The following ATRN variants were observed in gnomAD, a reference collection of about 807,000 sequenced individuals.
ATRN encodes attractin-2.
Under a neutral mutation model 178.7 loss-of-function variants are expected in ATRN, and 54 were observed. The ratio of observed to expected loss-of-function variants is 0.30; its 90% CI spans 0.24 to 0.38. The LOEUF (loss-of-function observed/expected upper bound fraction) is 0.38. ATRN is among the 10% of genes least tolerant of loss of function. ATRN has a pLI of 1.00. For synonymous variants in ATRN, 636 were observed against 663.0 expected (o/e 0.96, Z 0.63); for missense variants, 1,443 against 1,815.1 (o/e 0.79, Z 3.73).
chr20:3,530,365 G>A (rs1412013431), intron 1 of ATRN, among the ~76,000 whole-genome samples: 1 of 150,752 alleles, frequency 6.6e-6, no homozygotes, highest in Non-Finnish European at 1.5e-5. Flanking sequence ...ACAGGTTCAA[G>A]CGATTCTCCT....
At chr20:3,615,512 C>T (rs1223304435) in intron 24 of ATRN, among the ~76,000 whole-genome samples, 2 of 151,306 alleles carry the variant, frequency 1.3e-5, no homozygotes, top group African/African-American at 4.9e-5. Context: ...CAAAGAAAGA[C>T]ACATGCTTTT....
rs966194368 is a variant in ATRN, at chr20:3,633,428, C to T, written c.3864-883C>T. 7.9e-5 allele frequency among the ~76,000 whole-genome samples: 12 copies of T among 152,290 alleles called. No homozygotes were observed. In the South Asian group the frequency reaches 1.0e-3, roughly 13 times the overall value. On this transcript the variant is annotated intron_variant, in intron 25 of 28. Coordinates refer to ENST00000262919, the MANE Select transcript of ATRN (RefSeq NM_139321.3). ...TCAGCAGTTGGGTGCACTGAGGTGC[C>T]ATTCATGAAGCTGACCCCATCCTAC...
intron 24 of ATRN, among the ~76,000 whole-genome samples, chr20:3,607,839 A>G (rs1208917970): frequency 6.6e-6 from 1 of 152,190 alleles, no homozygotes; most frequent in African/African-American, 2.4e-5. Flanking sequence ...TCCCACCAGC[A>G]GTGAACTAGT....
At position 3,631,335 on chromosome 20, in the gene ATRN, A is replaced by G. The variant is rs577534198; in HGVS notation, c.3864-2976A>G. On this transcript the variant is annotated intron_variant, in intron 25 of 28. Transcript: ENST00000262919. The stretch of plus-strand genomic sequence containing the variant: ...CTAAGCACTCTGAAGAATGGCTCAT[A>G]TAATATATGGAAAAAAGAACAAAAG... 9.8e-5 allele frequency among the ~76,000 whole-genome samples: 15 copies of G among 152,310 alleles called. No individual in the cohort carries two copies. The East Asian group carries it at 2.9e-3, about 29-fold the overall frequency.
intron 24 of ATRN, among the ~76,000 whole-genome samples, chr20:3,612,832 T>G (rs2086784677): frequency 6.6e-6 from 1 of 152,210 alleles, no homozygotes; most frequent in African/African-American, 2.4e-5. Flanking sequence ...ATTAATACTT[T>G]TTAGATTCTT....
intron 24 of ATRN, among the ~76,000 whole-genome samples, chr20:3,605,859 C>G (rs1188646489): frequency 6.6e-6 from 1 of 152,106 alleles, no homozygotes; most frequent in Non-Finnish European, 1.5e-5. Context: ...ACACGTTTAC[C>G]TATGTAACAA....
At chr20:3,522,407 A>G (rs1254626091) in intron 1 of ATRN, among the ~76,000 whole-genome samples, 7 of 152,226 alleles carry the variant, frequency 4.6e-5, no homozygotes, top group Non-Finnish European at 1.0e-4. Flanking sequence ...GAAAGGCAGC[A>G]TCCCCAGTCA....
At chr20:3,592,903 G>A (rs1249585638) in intron 19 of ATRN, among the ~76,000 whole-genome samples, 1 of 152,166 alleles carries the variant, frequency 6.6e-6, no homozygotes, top group African/African-American at 2.4e-5. Context: ...AAAAGTTCTT[G>A]CTCAGATTAA....
chr20:3,490,948 C>T lies in ATRN; in HGVS notation c.410+19431C>T. On this transcript the variant is annotated intron_variant, in intron 1 of 28. Coordinates refer to ENST00000262919, the MANE Select transcript of ATRN (RefSeq NM_139321.3). ...GTGAGCATCTCTTTGGCCATGACGT[C>T]CATGAGCCTTTCCTTCTCCTCATGA... The T allele has an allele frequency of 2.6e-6, 4 of 1,521,826 alleles. No individual in the cohort carries two copies. In the South Asian group the frequency reaches 3.4e-5, roughly 13 times the overall value. 94.3% of individuals were successfully genotyped at this position (1,521,826 alleles called of 1,614,324 possible). A position where few individuals can be genotyped will look rare whatever the true frequency, so the allele number is the denominator to read the frequency against.
chr20:3,593,073 G>T (rs898011981), intron 19 of ATRN, among the ~76,000 whole-genome samples: 1 of 152,160 alleles, frequency 6.6e-6, no homozygotes, highest in Admixed American at 6.5e-5. Flanking sequence ...CAAGTAAACT[G>T]CCCAGGGTCT....
chr20:3,482,416 A>AT (rs2084635055), intron 1 of ATRN, among the ~76,000 whole-genome samples: 1 of 152,208 alleles, frequency 6.6e-6, no homozygotes, highest in Non-Finnish European at 1.5e-5. Flanking sequence ...ATTTTTTAGA[A>AT]TTTTTTTGCG....
chr20:3,510,058 T>G (rs1384137788), intron 1 of ATRN, among the ~76,000 whole-genome samples: 1 of 152,234 alleles, frequency 6.6e-6, no homozygotes, highest in South Asian at 2.1e-4. Flanking sequence ...TTAGTATGTA[T>G]TTTCTGAGAA....
chr20:3,554,421 C>T (rs951702353), intron 6 of ATRN, among the ~76,000 whole-genome samples: 3 of 151,724 alleles, frequency 2.0e-5, no homozygotes, highest in East Asian at 1.9e-4. Flanking sequence ...CTGCAGGCTC[C>T]GCCTCCCAGG....
At chr20:3,535,626 CATAT>C (rs796505953) in intron 2 of ATRN, among the ~76,000 whole-genome samples, 124 of 115,916 alleles carry the variant, frequency 1.1e-3, no homozygotes, top group African/African-American at 4.1e-3. Flanking sequence ...CACACACACA[CATAT>C]ATATTTATTT....
At position 3,544,577 on chromosome 20, in the gene ATRN, G is replaced by A. The variant is rs572112903; in HGVS notation, c.609-1185G>A. Among the ~76,000 whole-genome samples, 44 of 152,214 alleles carry A rather than the reference G, an allele frequency of 2.9e-4. No homozygotes were observed. The South Asian group carries it at 8.7e-3, about 30-fold the overall frequency. ...ATATGAAGAAATGCAACAGCAGGTAGACATAAGAAAAACAATTAACCTCAG... is the reference window on the plus strand; with the variant it reads ...ATATGAAGAAATGCAACAGCAGGTAAACATAAGAAAAACAATTAACCTCAG... On this transcript the variant is annotated intron_variant, in intron 3 of 28. Coordinates refer to ENST00000262919, the MANE Select transcript of ATRN (RefSeq NM_139321.3).
At chr20:3,510,144 C>G (rs1300748741) in intron 1 of ATRN, among the ~76,000 whole-genome samples, 2 of 152,276 alleles carry the variant, frequency 1.3e-5, no homozygotes, top group African/African-American at 4.8e-5. Context: ...CTTTAATCTA[C>G]TGTTTGTGTT....
At chr20:3,490,219 G>C in intron 1 of ATRN, 2 of 1,521,082 alleles carry the variant, frequency 1.3e-6, no homozygotes, top group South Asian at 2.2e-5. Context: ...CTAAAGCTAA[G>C]AGAGCAGATT....
At chr20:3,522,854 A>G (rs1219683072) in intron 1 of ATRN, among the ~76,000 whole-genome samples, 4 of 152,162 alleles carry the variant, frequency 2.6e-5, no homozygotes, top group African/African-American at 7.2e-5. Flanking sequence ...ACAAACAGAA[A>G]GGAATAGGAT....
Position 3,583,951 on chromosome 20 carries a change from G to A in ATRN, c.2818G>A (p.Gly940Arg). Residue 940 changes from glycine to arginine, a missense_variant, in exon 17 of 29, where the codon GGA becomes AGA. Gly to Arg is a moderately radical substitution (Grantham distance 125). Coordinates refer to ENST00000262919, the MANE Select transcript of ATRN (RefSeq NM_139321.3). ...RTPCALRTAC[G>R]DCTSGSSECM... ...ACCATGTGCCTTGAGGACAGCATGT[G>A]GAGATTGCACCAGCGGCAGCTCTGA... 1 of 1,614,230 alleles carries A rather than the reference G, an allele frequency of 6.2e-7. No individual in the cohort carries two copies. The highest frequency in any genetic ancestry group is 8.5e-7 in the Non-Finnish European group (1 of 1,180,032).
Sources: gnomAD v4.1 joint callset for allele counts (sites outside exome capture counted in the v4.1 genomes callset) on GRCh38, gnomAD v4.1.1 for gene constraint, MANE v1.5 for transcripts, NCBI Gene and HGNC (gene_info 2026-07-23, HGNC 2026-07-21) for gene names.